Variants in RFTN1 observed in about 807,000 individuals in gnomAD.
RFTN1 encodes raftlin, lipid raft linker 1.
Under a neutral mutation model 46.5 loss-of-function variants are expected in RFTN1, and 26 were observed. The ratio of observed to expected loss-of-function variants is 0.56; its 90% CI spans 0.41 to 0.78. The LOEUF (loss-of-function observed/expected upper bound fraction) is 0.78, where lower values mean the gene tolerates loss of function less well. Among genes scored for constraint, RFTN1 ranks in the 30% least tolerant of loss-of-function variants. The pLI is 0.00. For missense variants in RFTN1, 693 were observed against 718.7 expected, an observed-to-expected ratio of 0.96 and a Z score of 0.41; for synonymous variants, 261 against 284.2, an observed-to-expected ratio of 0.92 and a Z score of 0.82.
chr3:16,476,241 A>C (rs2076280168), intron 2 of RFTN1, among the ~76,000 whole-genome samples: 1 of 152,240 alleles, frequency 6.6e-6, no homozygotes, highest in South Asian at 2.1e-4. Flanking sequence ...ACCTTTACAG[A>C]AAGCTGGTGT....
intron 4 of RFTN1, among the ~76,000 whole-genome samples, chr3:16,391,127 C>T (rs536085096): frequency 4.6e-5 from 7 of 152,136 alleles, no homozygotes; most frequent in Admixed American, 4.6e-4. Context: ...ACACCTCCAT[C>T]ACCCTCATCC....
rs2074621481 is a variant in RFTN1, at chr3:16,402,185, G to A, written c.441+7190C>T. The stretch of plus-strand genomic sequence containing the variant: ...CATCTCACACCTGAGTCACCCAGGT[G>A]TCATCCTTGGCACCTCTCTCTCCTT... On this transcript the variant is annotated intron_variant, in intron 4 of 9. Coordinates refer to ENST00000334133, the MANE Select transcript of RFTN1 (RefSeq NM_015150.2). This position sits in a 1 kb window ranked among gnomAD's most constrained non-coding sequence, Gnocchi z 4.5. Among the ~76,000 whole-genome samples the A allele has an allele frequency of 6.6e-6, 1 of 152,186 alleles. No homozygotes were observed. Among genetic ancestry groups the A allele is most frequent in the Admixed American group, 6.5e-5 (1 of 15,280 alleles).
intron 4 of RFTN1, among the ~76,000 whole-genome samples, chr3:16,408,613 T>C (rs912041459): frequency 7.0e-6 from 1 of 142,098 alleles, no homozygotes; most frequent in East Asian, 2.1e-4. Context: ...AAACCTCATA[T>C]GGTTCACTAG....
At chr3:16,354,100 A>G (rs896212201) in intron 7 of RFTN1, among the ~76,000 whole-genome samples, 3 of 152,238 alleles carry the variant, frequency 2.0e-5, no homozygotes, top group Non-Finnish European at 2.9e-5. Context: ...CCAATCAGCA[A>G]GCATTTACTG....
rs2074140552 is a variant in RFTN1, at chr3:16,385,541, A to G, written c.442-7439T>C. On this transcript the variant is annotated intron_variant, in intron 4 of 9. Transcript: ENST00000334133. The surrounding 1 kb of genome is among the most constrained non-coding windows in gnomAD (Gnocchi z 5.0). The stretch of plus-strand genomic sequence containing the variant: ...ACTCAGTAGTTATATTATTGGTCAA[A>G]TCAGTTGATTTATTTTAGCCTCAGT... Among the ~76,000 whole-genome samples the G allele has an allele frequency of 6.6e-6, 1 of 152,186 alleles. No individual in the cohort carries two copies. The highest frequency in any genetic ancestry group is 2.4e-5 in the African/African-American group (1 of 41,434).
intron 1 of RFTN1, among the ~76,000 whole-genome samples, chr3:16,495,819 T>C (rs531466695): frequency 2.3e-4 from 35 of 152,348 alleles, no homozygotes; most frequent in African/African-American, 8.2e-4. Context: ...AGCCATGTCT[T>C]ACTGAGCACA....
intron 6 of RFTN1, 142 bp downstream of exon 6, chr3:16,369,934 T>C: frequency 1.3e-6 from 1 of 769,930 alleles, no homozygotes. Context: ...CCTCAAGATG[T>C]GTTAATTAGA....
rs1288755614 is a variant in RFTN1 at position 16,361,454 on chromosome 3, G to T, written c.1031-3407C>A. Among the ~76,000 whole-genome samples the T allele has an allele frequency of 6.6e-6, 1 of 152,152 alleles. No individual in the cohort carries two copies. Among genetic ancestry groups the T allele is most frequent in the Non-Finnish European group, 1.5e-5 (1 of 68,020 alleles). ...TACATGCTAGAAAAATACTAAGTGGGCCAAGGGGAGAGTGTGAAGGTGGAC... is the reference window on the plus strand; with the variant it reads ...TACATGCTAGAAAAATACTAAGTGGTCCAAGGGGAGAGTGTGAAGGTGGAC... On this transcript the variant is annotated intron_variant, in intron 6 of 9. Coordinates refer to ENST00000334133, the MANE Select transcript of RFTN1 (RefSeq NM_015150.2). The surrounding 1 kb of genome is among the most constrained non-coding windows in gnomAD (Gnocchi z 4.3).
Position 16,334,215 on chromosome 3 carries a change from AT to A in RFTN1, c.1147-7340del, listed in dbSNP as rs1235436750. ...ACAACAAAAAATACCCTGAGATACTATTTTTTCACCTATTGAACTGGTAAAA... is the reference window on the plus strand; with the variant it reads ...ACAACAAAAAATACCCTGAGATACTATTTTTCACCTATTGAACTGGTAAAA... On this transcript the variant is annotated intron_variant, in intron 7 of 9. Transcript: ENST00000334133. This position sits in a 1 kb window ranked among gnomAD's most constrained non-coding sequence, Gnocchi z 4.3. Among the ~76,000 whole-genome samples, 2 of 152,026 alleles carry A rather than the reference AT, an allele frequency of 1.3e-5. No individual in the cohort carries two copies. Among genetic ancestry groups the A allele is most frequent in the Non-Finnish European group, 2.9e-5 (2 of 67,994 alleles).
chr3:16,472,128 A>AG (rs2076207898), intron 2 of RFTN1: 2 of 152,136 alleles, frequency 1.3e-5, no homozygotes, highest in Admixed American at 1.3e-4. Context: ...GCTGTTAAAA[A>AG]AAAAAAAGGC....
At chr3:16,390,737 T>C (rs563927944) in intron 4 of RFTN1, among the ~76,000 whole-genome samples, 3 of 152,306 alleles carry the variant, frequency 2.0e-5, no homozygotes, top group African/African-American at 7.2e-5. Context: ...TAAGGCATCA[T>C]AACGAGAAGC....
At chr3:16,390,741 G>A (rs780240320) in intron 4 of RFTN1, among the ~76,000 whole-genome samples, 8 of 152,110 alleles carry the variant, frequency 5.3e-5, no homozygotes, top group African/African-American at 1.9e-4. Flanking sequence ...GCATCATAAC[G>A]AGAAGCTGTC....
In RFTN1 at chr3:16,512,973, C is replaced by T. The variant is rs2125021510; in HGVS notation, c.-9+469G>A. The T allele has an allele frequency of 6.5e-6, 1 of 153,426 alleles. No individual in the cohort carries two copies. Among genetic ancestry groups the T allele is most frequent in the South Asian group, 2.1e-4 (1 of 4,844 alleles). 9.5% of individuals were successfully genotyped at this position (153,426 alleles called of 1,614,324 possible). ...CAGTCAGGCACCGCCTCCACCCTGC[C>T]CCACCCAGGCCGCGCGCACCCCGGA... On this transcript the variant is annotated intron_variant, in intron 1 of 9. Coordinates refer to ENST00000334133, the MANE Select transcript of RFTN1 (RefSeq NM_015150.2). This position sits in a 1 kb window ranked among gnomAD's most constrained non-coding sequence, Gnocchi z 4.3.
chr3:16,445,509 A>ACG, intron 2 of RFTN1, among the ~76,000 whole-genome samples: 1 of 150,590 alleles, frequency 6.6e-6, no homozygotes, highest in South Asian at 2.1e-4. Context: ...ACACACACAC[A>ACG]CACACACACA....
intron 7 of RFTN1, among the ~76,000 whole-genome samples, chr3:16,333,733 A>T (rs921112774): frequency 6.6e-6 from 1 of 152,230 alleles, no homozygotes; most frequent in Non-Finnish European, 1.5e-5. Flanking sequence ...ACAGAAAAAA[A>T]AGGGCTTGTA....
In RFTN1 at chr3:16,374,958, G is replaced by C. The variant is rs147467989; in HGVS notation, c.826+2760C>G. On this transcript the variant is annotated intron_variant, in intron 5 of 9. Coordinates refer to ENST00000334133, the MANE Select transcript of RFTN1 (RefSeq NM_015150.2). The surrounding 1 kb of genome is among the most constrained non-coding windows in gnomAD (Gnocchi z 5.4). The stretch of plus-strand genomic sequence containing the variant: ...CTGCTTCCGCATGGAGAATCCACTG[G>C]AAAGTCCTGTCTGAGCAGGCATTGC... 4.5e-4 allele frequency among the ~76,000 whole-genome samples: 68 copies of C among 152,308 alleles called. No individual in the cohort carries two copies. Among genetic ancestry groups the C allele is most frequent in the African/African-American group, 1.6e-3 (66 of 41,574 alleles).
chr3:16,513,161 G>C lies in RFTN1; in HGVS notation c.-9+281C>G, dbSNP rs1431016042. On this transcript the variant is annotated intron_variant, in intron 1 of 9. Transcript: ENST00000334133. This position sits in a 1 kb window ranked among gnomAD's most constrained non-coding sequence, Gnocchi z 5.4. ...GACCCCCAACAGGCTGCTCCGAAGT[G>C]CCTCTCCCTACATCGCTCCAGGAAT... 6.6e-6 allele frequency: 1 copy of C among 152,572 alleles called. No homozygotes were observed. Among genetic ancestry groups the C allele is most frequent in the Non-Finnish European group, 1.5e-5 (1 of 68,352 alleles). 9.5% of individuals were successfully genotyped at this position (152,572 alleles called of 1,614,324 possible).
Position 16,465,771 on chromosome 3 carries a change from C to T in RFTN1, c.145+27954G>A, listed in dbSNP as rs76111770. Among the ~76,000 whole-genome samples the T allele has an allele frequency of 6.6e-6, 1 of 152,118 alleles. No individual in the cohort carries two copies. The highest frequency in any genetic ancestry group is 2.4e-5 in the African/African-American group (1 of 41,412). ...TGCAGAAGGCTGAGCAGGGGATGTC[C>T]ACATCTTGCCAACCCTGGAGCTCCA... On this transcript the variant is annotated intron_variant, in intron 2 of 9. Coordinates refer to ENST00000334133, the MANE Select transcript of RFTN1 (RefSeq NM_015150.2). The surrounding 1 kb of genome is among the most constrained non-coding windows in gnomAD (Gnocchi z 5.1).
intron 2 of RFTN1, among the ~76,000 whole-genome samples, chr3:16,470,556 C>A (rs563837740): frequency 6.6e-6 from 1 of 152,274 alleles, no homozygotes; most frequent in South Asian, 2.1e-4. Flanking sequence ...GAGAAAAGAG[C>A]CCCAGATTCT....
Sources: allele counts gnomAD v4.1 joint callset (sites outside exome capture counted in the v4.1 genomes callset), GRCh38; gene constraint gnomAD v4.1.1; non-coding constraint Gnocchi (gnomAD v3.1); transcripts MANE v1.5; gene names NCBI Gene and HGNC (gene_info 2026-07-23, HGNC 2026-07-21).